KIF1B: variants seen among roughly 807,000 people sequenced by gnomAD.
The protein encoded by KIF1B is kinesin family member 1B.
In KIF1B, 76 loss-of-function variants were observed where a neutral mutation model predicts 241.9. That is an observed-to-expected ratio of 0.31 (90% CI 0.26 to 0.38). KIF1B has a LOEUF of 0.38. KIF1B is among the 10% of genes least tolerant of loss of function. The pLI, the probability that KIF1B is intolerant of heterozygous loss-of-function variation, is 1.00. For synonymous variants in KIF1B, 750 were observed against 796.7 expected, an observed-to-expected ratio of 0.94 and a Z score of 0.99; for missense variants, 1,622 against 2,271.4, an observed-to-expected ratio of 0.71 and a Z score of 5.81.
intron 22 of KIF1B, among the ~76,000 whole-genome samples, chr1:10,299,540 C>T (rs950900641): frequency 2.0e-5 from 3 of 152,082 alleles, no homozygotes; most frequent in East Asian, 3.8e-4. Context: ...TTCTAATGCA[C>T]CCTGTGAATA....
At chr1:10,360,171 A>G in intron 38 of KIF1B, among the ~76,000 whole-genome samples, 1 of 152,154 alleles carries the variant, frequency 6.6e-6, no homozygotes, top group East Asian at 1.9e-4. Context: ...ACTGGATTGA[A>G]TGATGTTTAG....
Position 10,339,621 on chromosome 1 carries a change from A to C in KIF1B, c.3423-148A>C. 2.8e-5 allele frequency: 20 copies of C among 719,146 alleles called. No individual in the cohort carries two copies. In the South Asian group the frequency reaches 3.3e-4, roughly 12 times the overall value. 44.5% of individuals were successfully genotyped at this position (719,146 alleles called of 1,614,324 possible). ...AAAATGCCCTCTGTGCAATATGGAA[A>C]AGGTTCTTGACAAGGAAAGTAAATA... On this transcript the variant is annotated intron_variant, in intron 31 of 48. Transcript: ENST00000676179.
In KIF1B at chr1:10,354,392, G is replaced by C. The variant is rs560660357; in HGVS notation, c.4055+1656G>C. On this transcript the variant is annotated intron_variant, in intron 38 of 48. Coordinates refer to ENST00000676179, the MANE Select transcript of KIF1B (RefSeq NM_001365951.3). ...ATCATCTATGACTTTCAGTTTGGTG[G>C]AGCAAGAATTAGAAACCTGTGAAGA... Among the ~76,000 whole-genome samples the C allele has an allele frequency of 5.9e-5, 9 of 152,160 alleles. No homozygotes were observed. The East Asian group carries it at 1.7e-3, about 29-fold the overall frequency.
At chr1:10,340,350 G>T (rs1362105982) in intron 32 of KIF1B, among the ~76,000 whole-genome samples, 1 of 152,182 alleles carries the variant, frequency 6.6e-6, no homozygotes, top group African/African-American at 2.4e-5. Context: ...TAAGAAAACA[G>T]ACCCTTCCCT....
In KIF1B at chr1:10,376,868, T is replaced by C. The variant is rs201136295; in HGVS notation, c.*281T>C. 576 of 278,202 alleles carry C rather than the reference T, an allele frequency of 2.1e-3. No homozygotes were observed. Among genetic ancestry groups the C allele is most frequent in the African/African-American group, 7.5e-3 (286 of 38,118 alleles). 17.2% of individuals were successfully genotyped at this position (278,202 alleles called of 1,614,324 possible). On this transcript the variant is annotated 3_prime_UTR_variant, in exon 49 of 49. Coordinates refer to ENST00000676179, the MANE Select transcript of KIF1B (RefSeq NM_001365951.3). ...ACACACACACACACACACACACACA[T>C]ACACAGACAAAAACACAAAAACTCT...
chr1:10,268,106 C>G (rs367998427), intron 6 of KIF1B, 46 bp from the exon 7 acceptor site: 7 of 1,255,252 alleles, frequency 5.6e-6, no homozygotes, highest in Non-Finnish European at 8.1e-6. Context: ...TTTCAACTCT[C>G]ATCTAAGAAT....
chr1:10,313,502 A>G (rs1033587904), intron 22 of KIF1B, among the ~76,000 whole-genome samples: 2 of 151,162 alleles, frequency 1.3e-5, no homozygotes, highest in Non-Finnish European at 2.9e-5. Context: ...GAGAACAGCC[A>G]GTGCTGTGCC....
intron 2 of KIF1B, among the ~76,000 whole-genome samples, chr1:10,243,134 A>T (rs1647161567): frequency 6.6e-6 from 1 of 152,112 alleles, no homozygotes; most frequent in Non-Finnish European, 1.5e-5. Flanking sequence ...AATTCCTTTT[A>T]GGCCAGGTGT....
chr1:10,267,597 ACC>A, intron 6 of KIF1B, 39 bp downstream of exon 6: 2 of 1,601,292 alleles, frequency 1.2e-6, no homozygotes, highest in South Asian at 2.2e-5. Flanking sequence ...GGTCTTTGGC[ACC>A]TTTTGAGGTC....
At position 10,210,956 on chromosome 1, in the gene KIF1B, G is replaced by T. The variant is rs919131455; in HGVS notation, c.-80+78G>T. On this transcript the variant is annotated intron_variant, in intron 1 of 48. Coordinates refer to ENST00000676179, the MANE Select transcript of KIF1B (RefSeq NM_001365951.3). The surrounding 1 kb of genome is among the most constrained non-coding windows in gnomAD (Gnocchi z 4.1). Reference sequence around the variant, plus strand: ...GGGGCCGCTTCCGCGGGGAGGAGCGGCCGGGCCGGGGTCCGGGCGGGGTCT... The same window carrying T: ...GGGGCCGCTTCCGCGGGGAGGAGCGTCCGGGCCGGGGTCCGGGCGGGGTCT... The T allele has an allele frequency of 2.6e-5, 4 of 151,796 alleles. No individual in the cohort carries two copies. Among genetic ancestry groups the T allele is most frequent in the African/African-American group, 9.7e-5 (4 of 41,394 alleles). 9.4% of individuals were successfully genotyped at this position (151,796 alleles called of 1,614,324 possible).
chr1:10,289,889 G>GACAAACAA (rs901934325), intron 15 of KIF1B, among the ~76,000 whole-genome samples: 4 of 151,838 alleles, frequency 2.6e-5, no homozygotes, highest in African/African-American at 9.7e-5. Context: ...GTCTCAAACA[G>GACAAACAA]ACAAACAAAC....
At chr1:10,362,217 T>C (rs1022215105) in intron 40 of KIF1B, among the ~76,000 whole-genome samples, 5 of 152,180 alleles carry the variant, frequency 3.3e-5, no homozygotes, top group African/African-American at 1.2e-4. Flanking sequence ...CAGTGGCTCA[T>C]GTCTGTAATC....
At chr1:10,275,062 G>A (rs1021239246) in intron 10 of KIF1B, 6 of 335,184 alleles carry the variant, frequency 1.8e-5, no homozygotes, top group Admixed American at 4.5e-5. Context: ...GATGAGGTCC[G>A]CAACTGACTT....
chr1:10,351,386 G>A (rs575944892), intron 37 of KIF1B, among the ~76,000 whole-genome samples: 1 of 152,244 alleles, frequency 6.6e-6, no homozygotes, highest in East Asian at 1.9e-4. Flanking sequence ...AAACTCTGAT[G>A]TAGTATTTAC....
At chr1:10,343,084 C>A in intron 33 of KIF1B, 148 bp from the exon 34 acceptor site, 1 of 789,764 alleles carries the variant, frequency 1.3e-6, no homozygotes, top group South Asian at 1.5e-5. Context: ...GCCTTCTGTA[C>A]TGTCACAGAA....
chr1:10,244,558 C>T (rs1289053909), intron 2 of KIF1B, among the ~76,000 whole-genome samples: 2 of 151,322 alleles, frequency 1.3e-5, no homozygotes, highest in East Asian at 1.9e-4. Context: ...GTGATCCGCC[C>T]GCCTCAGCCT....
chr1:10,345,625 G>A, intron 34 of KIF1B: 1 of 545,408 alleles, frequency 1.8e-6, no homozygotes, highest in East Asian at 3.2e-5. Context: ...TGAGAAAAAA[G>A]ATACTGATTT....
chr1:10,341,966 A>C (rs1408506453), intron 32 of KIF1B, 84 bp from the exon 33 acceptor site: 7 of 973,870 alleles, frequency 7.2e-6, no homozygotes, highest in East Asian at 2.4e-5. Flanking sequence ...AAAAAAAAAA[A>C]AACCCAAAAT....
chr1:10,308,151 AT>A, intron 22 of KIF1B: 1 of 1,061,538 alleles, frequency 9.4e-7, no homozygotes, highest in South Asian at 4.6e-5. Flanking sequence ...TCCTTTGTAG[AT>A]TTGCCTTAAT....
Sources: gnomAD v4.1 joint callset for allele counts (sites outside exome capture counted in the v4.1 genomes callset) on GRCh38, gnomAD v4.1.1 for gene constraint, Gnocchi (gnomAD v3.1) non-coding constraint, MANE v1.5 for transcripts, NCBI Gene and HGNC (gene_info 2026-07-23, HGNC 2026-07-21) for gene names.